The following PDGFD variants were observed in gnomAD, a reference collection of about 807,000 sequenced individuals.
The protein encoded by PDGFD is platelet-derived growth factor D.
In PDGFD, 30 loss-of-function variants were observed where a neutral mutation model predicts 44.7. That is an observed-to-expected ratio of 0.67 (90% CI 0.50 to 0.91). PDGFD has a LOEUF of 0.91. Among genes scored for constraint, PDGFD ranks in the 40% least tolerant of loss-of-function variants. The pLI is 0.00. For synonymous variants in PDGFD, 173 were observed against 168.4 expected (o/e 1.03, Z -0.21); for missense variants, 445 against 457.8 (o/e 0.97, Z 0.25).
intron 1 of PDGFD, among the ~76,000 whole-genome samples, chr11:104,066,196 T>C (rs1189801534): frequency 1.3e-5 from 2 of 152,162 alleles, no homozygotes; most frequent in East Asian, 1.9e-4. Context: ...GCTTTTGATA[T>C]ATGCTGACTG....
At chr11:103,941,067 CT>C (rs1417980285) in intron 5 of PDGFD, among the ~76,000 whole-genome samples, 1 of 152,092 alleles carries the variant, frequency 6.6e-6, no homozygotes, top group Non-Finnish European at 1.5e-5. Context: ...GTTCCAAGTA[CT>C]GCAGATACAG....
intron 3 of PDGFD, among the ~76,000 whole-genome samples, chr11:103,993,220 A>G (rs1459714489): frequency 6.6e-6 from 1 of 151,990 alleles, no homozygotes; most frequent in Admixed American, 6.6e-5. Context: ...GGCATGTGCC[A>G]TCATGCCTGT....
chr11:104,112,416 C>T lies in PDGFD; in HGVS notation c.124+51388G>A, dbSNP rs184453328. Among the ~76,000 whole-genome samples the T allele has an allele frequency of 2.0e-5, 3 of 151,994 alleles. No homozygotes were observed. In the East Asian group the frequency reaches 5.8e-4, roughly 29 times the overall value. On this transcript the variant is annotated intron_variant, in intron 1 of 6. Transcript: ENST00000393158. The stretch of plus-strand genomic sequence containing the variant: ...TGTGAGTTTAAAAGAAATGCTTATT[C>T]ACTGTTGGTGGGAGTGTAAATTAGT...
At chr11:104,030,005 A>T (rs1213761583) in intron 1 of PDGFD, among the ~76,000 whole-genome samples, 1 of 152,230 alleles carries the variant, frequency 6.6e-6, no homozygotes, top group African/African-American at 2.4e-5. Context: ...AAAATTCCAC[A>T]CCTGACCTCA....
chr11:103,967,868 T>G (rs1859044742), intron 3 of PDGFD, among the ~76,000 whole-genome samples: 2 of 152,220 alleles, frequency 1.3e-5, no homozygotes, highest in Admixed American at 1.3e-4. Context: ...AGGTATCAAT[T>G]ATTTAAATCC....
At chr11:104,143,017 T>TG (rs1862107110) in intron 1 of PDGFD, among the ~76,000 whole-genome samples, 1 of 152,186 alleles carries the variant, frequency 6.6e-6, no homozygotes, top group Admixed American at 6.5e-5. Flanking sequence ...CACAGCTCAC[T>TG]GAAAAATGGA....
chr11:104,102,031 T>G (rs936106996), intron 1 of PDGFD, among the ~76,000 whole-genome samples: 2 of 151,960 alleles, frequency 1.3e-5, no homozygotes, highest in African/African-American at 4.8e-5. Flanking sequence ...GGACTTCATG[T>G]CTAAAACACC....
chr11:104,100,475 G>C (rs960512246), intron 1 of PDGFD, among the ~76,000 whole-genome samples: 2 of 152,080 alleles, frequency 1.3e-5, no homozygotes, highest in Non-Finnish European at 2.9e-5. Flanking sequence ...ATAATTAATA[G>C]CTTACCAACC....
intron 3 of PDGFD, among the ~76,000 whole-genome samples, chr11:103,954,316 C>T (rs1858804402): frequency 2.0e-5 from 3 of 152,340 alleles, no homozygotes; most frequent in Admixed American, 2.0e-4. Context: ...AGAAATCCCT[C>T]TCCTGTCCCT....
chr11:104,069,449 A>C (rs1196834749), intron 1 of PDGFD, among the ~76,000 whole-genome samples: 1 of 152,194 alleles, frequency 6.6e-6, no homozygotes, highest in East Asian at 1.9e-4. Context: ...GTAATTCATA[A>C]ATATCTTGTT....
In PDGFD at chr11:104,016,593, A is replaced by C. The variant is rs531644605; in HGVS notation, c.125-16338T>G. ...AAAAGTAAGAAATAAGGGGCAAGAG[A>C]GAAGTTGGAGTGGCAAACAATGAGC... is the stretch of plus-strand genomic sequence containing the variant. On this transcript the variant is annotated intron_variant, in intron 1 of 6. Transcript: ENST00000393158. 8.5e-5 allele frequency among the ~76,000 whole-genome samples: 13 copies of C among 152,320 alleles called. No homozygotes were observed. In the East Asian group the frequency reaches 2.3e-3, roughly 27 times the overall value.
intron 3 of PDGFD, among the ~76,000 whole-genome samples, chr11:103,985,395 C>G (rs1171951275): frequency 6.6e-6 from 1 of 150,994 alleles, no homozygotes; most frequent in Non-Finnish European, 1.5e-5. Context: ...AGATGGGGGT[C>G]TCACTATATA....
chr11:103,950,425 G>A (rs1177613355), intron 3 of PDGFD, among the ~76,000 whole-genome samples: 1 of 151,348 alleles, frequency 6.6e-6, no homozygotes, highest in African/African-American at 2.4e-5. Context: ...TTAGCCAGGT[G>A]TGGTGGCATG....
intron 1 of PDGFD, among the ~76,000 whole-genome samples, chr11:104,117,329 G>A (rs1410850087): frequency 6.6e-6 from 1 of 151,898 alleles, no homozygotes; most frequent in African/African-American, 2.4e-5. Flanking sequence ...AACAAGACAA[G>A]GATGCCCACC....
At chr11:104,138,493 G>C (rs1862041455) in intron 1 of PDGFD, among the ~76,000 whole-genome samples, 1 of 152,152 alleles carries the variant, frequency 6.6e-6, no homozygotes, top group Non-Finnish European at 1.5e-5. Context: ...GTGTATTATA[G>C]CAAAGCACAA....
Position 104,149,667 on chromosome 11 carries a change from T to C in PDGFD, c.124+14137A>G, listed in dbSNP as rs527799896. Among the ~76,000 whole-genome samples, 10 of 152,300 alleles carry C rather than the reference T, an allele frequency of 6.6e-5. 1 individual carries two copies. The South Asian group carries it at 2.1e-3, about 32-fold the overall frequency. The stretch of plus-strand genomic sequence containing the variant: ...GATTATTTTACACTTGATGAATTTG[T>C]ATTTTACAATAATATGCATTCATTT... On this transcript the variant is annotated intron_variant, in intron 1 of 6. Transcript: ENST00000393158.
At chr11:103,976,491 TTCTC>T (rs983420451) in intron 3 of PDGFD, among the ~76,000 whole-genome samples, 4 of 152,268 alleles carry the variant, frequency 2.6e-5, no homozygotes, top group African/African-American at 9.6e-5. Context: ...CAATTTGACT[TTCTC>T]TCTTCCTATC....
chr11:104,143,347 A>G (rs1862114276), intron 1 of PDGFD, among the ~76,000 whole-genome samples: 2 of 152,196 alleles, frequency 1.3e-5, no homozygotes, highest in African/African-American at 4.8e-5. Context: ...TCATTTCTGA[A>G]TATGCTAGAG....
At chr11:104,057,298 G>T (rs926696692) in intron 1 of PDGFD, among the ~76,000 whole-genome samples, 1 of 152,056 alleles carries the variant, frequency 6.6e-6, no homozygotes, top group Non-Finnish European at 1.5e-5. Flanking sequence ...TTGATGTATA[G>T]AATTAAAATA....
Sources: gnomAD v4.1 joint callset for allele counts (sites outside exome capture counted in the v4.1 genomes callset) on GRCh38, gnomAD v4.1.1 for gene constraint, MANE v1.5 for transcripts, NCBI Gene and HGNC (gene_info 2026-07-23, HGNC 2026-07-21) for gene names.